TSGA10: variants seen among roughly 807,000 people sequenced by gnomAD.
The protein encoded by TSGA10 is testis specific 10, also known as testis-specific gene 10 protein.
In TSGA10, 43 loss-of-function variants were observed where a neutral mutation model predicts 96.6. That is an observed-to-expected ratio of 0.44 (90% CI 0.35 to 0.57). TSGA10 has a LOEUF of 0.57. TSGA10 is among the 20% of genes least tolerant of loss of function. The pLI, the probability that TSGA10 is intolerant of heterozygous loss-of-function variation, is 0.01. For missense variants in TSGA10, 703 were observed against 834.4 expected, an observed-to-expected ratio of 0.84 and a Z score of 1.94; for synonymous variants, 229 against 269.9, an observed-to-expected ratio of 0.85 and a Z score of 1.48.
At chr2:99,003,417 C>T (rs2078149622) in intron 20 of TSGA10, among the ~76,000 whole-genome samples, 1 of 152,144 alleles carries the variant, frequency 6.6e-6, no homozygotes, top group African/African-American at 2.4e-5. Context: ...CAAGGATATC[C>T]AGGACTTGAA....
At chr2:99,034,536 G>A (rs2081441605) in intron 17 of TSGA10, among the ~76,000 whole-genome samples, 1 of 151,982 alleles carries the variant, frequency 6.6e-6, no homozygotes, top group South Asian at 2.1e-4. Flanking sequence ...TATCTCTCCA[G>A]CCACTTCCTC....
chr2:99,138,585 G>C (rs936156623), intron 1 of TSGA10, among the ~76,000 whole-genome samples: 3 of 152,184 alleles, frequency 2.0e-5, no homozygotes, highest in Admixed American at 6.5e-5. Context: ...AAAAAGAAAT[G>C]GAAAATGTAA....
intron 20 of TSGA10, among the ~76,000 whole-genome samples, chr2:99,005,824 C>T (rs1478244706): frequency 3.9e-5 from 6 of 152,242 alleles, no homozygotes; most frequent in East Asian, 1.9e-4. Context: ...AAAAAGAGCC[C>T]GCATTGCCAA....
intron 1 of TSGA10, among the ~76,000 whole-genome samples, chr2:99,145,136 A>G (rs1055077360): frequency 3.9e-5 from 6 of 152,250 alleles, no homozygotes; most frequent in Admixed American, 1.3e-4. Context: ...TTGCCTTTCC[A>G]GCTTCTACTG....
chr2:99,082,465 C>T (rs1213100815), intron 10 of TSGA10, among the ~76,000 whole-genome samples: 1 of 152,106 alleles, frequency 6.6e-6, no homozygotes, highest in Non-Finnish European at 1.5e-5. Flanking sequence ...CTTTGGCCGC[C>T]GGCTTAATAA....
chr2:99,106,189 T>C (rs1054061734), intron 7 of TSGA10, among the ~76,000 whole-genome samples: 10 of 152,174 alleles, frequency 6.6e-5, no homozygotes, highest in Non-Finnish European at 1.2e-4. Context: ...CAACCATCCT[T>C]GGGTCCCAAA....
intron 10 of TSGA10, among the ~76,000 whole-genome samples, chr2:99,098,934 C>A (rs963940894): frequency 6.6e-6 from 1 of 152,052 alleles, no homozygotes; most frequent in African/African-American, 2.4e-5. Context: ...AACTGTTCCA[C>A]AAAATGACAG....
chr2:99,132,839 T>A (rs1004954505), intron 1 of TSGA10, among the ~76,000 whole-genome samples: 2 of 152,240 alleles, frequency 1.3e-5, no homozygotes, highest in African/African-American at 4.8e-5. Flanking sequence ...AAGAACTTAA[T>A]TCTGCCTTAA....
intron 10 of TSGA10, among the ~76,000 whole-genome samples, chr2:99,089,346 G>A (rs1266648237): frequency 6.6e-6 from 1 of 152,216 alleles, no homozygotes; most frequent in African/African-American, 2.4e-5. Flanking sequence ...ACAGGGAGAA[G>A]GAAACTTCCA....
chr2:99,132,094 G>T (rs2093117771), intron 1 of TSGA10, among the ~76,000 whole-genome samples: 1 of 152,076 alleles, frequency 6.6e-6, no homozygotes, highest in Non-Finnish European at 1.5e-5. Context: ...TGCTGTTGTT[G>T]TTTCCCTGCC....
intron 3 of TSGA10, among the ~76,000 whole-genome samples, chr2:99,118,293 A>C (rs961006030): frequency 2.6e-5 from 4 of 151,766 alleles, no homozygotes; most frequent in Non-Finnish European, 5.9e-5. Flanking sequence ...TCTACTAAAA[A>C]TACAAAAATC....
intron 17 of TSGA10, among the ~76,000 whole-genome samples, chr2:99,022,722 T>C (rs1479032851): frequency 6.6e-6 from 1 of 152,226 alleles, no homozygotes. Context: ...ATTTATGAGC[T>C]GTAAGGCAAT....
intron 16 of TSGA10, among the ~76,000 whole-genome samples, chr2:99,061,668 A>T (rs1321187619): frequency 1.3e-5 from 2 of 152,218 alleles, no homozygotes; most frequent in African/African-American, 2.4e-5. Flanking sequence ...GAAAACTTAC[A>T]TGAACGCAAA....
At chr2:99,114,519 A>C (rs1017552659) in intron 4 of TSGA10, among the ~76,000 whole-genome samples, 1 of 152,086 alleles carries the variant, frequency 6.6e-6, no homozygotes, top group African/African-American at 2.4e-5. Context: ...CTACTCCAAG[A>C]CTTACTGCTT....
intron 7 of TSGA10, among the ~76,000 whole-genome samples, chr2:99,108,147 T>C (rs1461936232): frequency 6.6e-6 from 1 of 152,168 alleles, no homozygotes; most frequent in Non-Finnish European, 1.5e-5. Flanking sequence ...TAATATCTTC[T>C]AGACCACTTA....
chr2:99,102,131 C>A, intron 10 of TSGA10: 1 of 1,466,866 alleles, frequency 6.8e-7, no homozygotes, highest in Non-Finnish European at 9.6e-7. Flanking sequence ...ATAGGGGTTA[C>A]AAATCGATCA....
Position 99,064,921 on chromosome 2 carries a change from A to C in TSGA10, c.1404+18T>G, listed in dbSNP as rs1161081232. On this transcript the variant is annotated intron_variant, in intron 16 of 20. Transcript: ENST00000393483. ...ATATGATGCAGGATGTATTATAAGC[A>C]TATTTTTCCAAACTTACTTGCTCAA... is the stretch of plus-strand genomic sequence containing the variant. 2 of 1,561,448 alleles carry C rather than the reference A, an allele frequency of 1.3e-6. No individual in the cohort carries two copies. The highest frequency in any genetic ancestry group is 1.7e-6 in the Non-Finnish European group (2 of 1,157,562).
intron 16 of TSGA10, among the ~76,000 whole-genome samples, chr2:99,052,252 A>G (rs571545545): frequency 6.6e-6 from 1 of 152,142 alleles, no homozygotes; most frequent in Non-Finnish European, 1.5e-5. Context: ...TAAGAAAAAA[A>G]GAAGTCTCAA....
At chr2:99,065,373 A>G (rs560486985) in intron 15 of TSGA10, among the ~76,000 whole-genome samples, 20 of 152,146 alleles carry the variant, frequency 1.3e-4, no homozygotes, top group African/African-American at 4.8e-4. Context: ...TAGGTAAATT[A>G]CTCTTTTCTT....
Sources: allele counts gnomAD v4.1 joint callset (sites outside exome capture counted in the v4.1 genomes callset), GRCh38; gene constraint gnomAD v4.1.1; transcripts MANE v1.5; gene names NCBI Gene and HGNC (gene_info 2026-07-23, HGNC 2026-07-21).